Variants in OR9G4 observed in about 807,000 individuals in gnomAD.
OR9G4 encodes olfactory receptor family 9 subfamily G member 4.
A neutral mutation model predicts 16.7 loss-of-function variants in OR9G4; 19 were observed. The ratio of observed to expected loss-of-function variants is 1.14; its 90% CI spans 0.79 to 1.67. The LOEUF (loss-of-function observed/expected upper bound fraction) is 1.67, where lower values mean the gene tolerates loss of function less well. OR9G4 is among the 40% of genes most tolerant of loss of function. The probability of loss-of-function intolerance (pLI) is 0.00; values close to 1 mark genes in which losing one functional copy is unlikely to be tolerated. For missense variants in OR9G4, 428 were observed against 370.4 expected (o/e 1.16, Z -1.28); for synonymous variants, 182 against 146.2 (o/e 1.24, Z -1.76).
chr11:56,743,109 T>G lies in OR9G4; in HGVS notation c.658A>C (p.Asn220His), dbSNP rs757988644. The G allele has an allele frequency of 6.2e-7, 1 of 1,614,146 alleles. No homozygotes were observed. Reference protein sequence around the residue: ...SILAILISYVNILLAILRIHS... With the variant: ...SILAILISYVHILLAILRIHS... The stretch of plus-strand genomic sequence containing the variant: ...ATTCTCAGGATAGCCAGGAGGATGT[T>G]GACATAGGAAATCAGGATAGCAAGA... The change falls in exon 2 of 2, where the codon AAC (asparagine) becomes CAC (histidine). Residue 220 changes from asparagine to histidine, a missense_variant. Physicochemically the swap from Asn to His is moderately conservative, Grantham distance 68. Coordinates refer to ENST00000641668, the MANE Select transcript of OR9G4 (RefSeq NM_001005284.2).
rs772407179 is a variant in OR9G4, at chr11:56,743,609, G to T, written c.158C>A (p.Ser53Tyr). 1 of 1,614,044 alleles carries T rather than the reference G, an allele frequency of 6.2e-7. No homozygotes were observed. Among genetic ancestry groups the T allele is most frequent in the South Asian group, 1.1e-5 (1 of 91,072 alleles). ...MTLVILIRTD[S>Y]HLHTPMYFFI... ...AAAGTACATAGGTGTATGCAAGTGG[G>T]AATCAGTTCGGATTAAGATAACCAA... is the stretch of plus-strand genomic sequence containing the variant. Residue 53 changes from serine to tyrosine, a missense_variant, in exon 2 of 2, where the codon TCC (serine) becomes TAC (tyrosine). Ser to Tyr is a moderately radical substitution (Grantham distance 144). Coordinates refer to ENST00000641668, the MANE Select transcript of OR9G4 (RefSeq NM_001005284.2).
chr11:56,743,387 C>T lies in OR9G4; in HGVS notation c.380G>A (p.Cys127Tyr), dbSNP rs202011066. 441 of 1,614,004 alleles carry T rather than the reference C, an allele frequency of 2.7e-4. No individual in the cohort carries two copies. The highest frequency in any genetic ancestry group is 3.4e-4 in the Non-Finnish European group (399 of 1,180,016). ...AMAYDRHAAI[C>Y]NPLLYSGTMS... ...GGTACCTGAATAAAGCAATGGGTTACAAATTGCTGCATGGCGGTCATATGC... is the reference window on the plus strand; with the variant it reads ...GGTACCTGAATAAAGCAATGGGTTATAAATTGCTGCATGGCGGTCATATGC... The change falls in exon 2 of 2, where the codon TGT becomes TAT. Residue 127 changes from cysteine (C) to tyrosine (Y), a missense_variant. Cys to Tyr is a radical substitution (Grantham distance 194, BLOSUM62 -2). Coordinates refer to ENST00000641668, the MANE Select transcript of OR9G4 (RefSeq NM_001005284.2).
At position 56,741,863 on chromosome 11, in the gene OR9G4, C is replaced by G. The variant is rs1211456268; in HGVS notation, c.*965G>C. ...CCCAACCTGCCATCACAAGGGGGTT[C>G]AGTTATGGAGTTTATATCAGGGTTT... On this transcript the variant is annotated 3_prime_UTR_variant, in exon 2 of 2. Coordinates refer to ENST00000641668, the MANE Select transcript of OR9G4 (RefSeq NM_001005284.2). The G allele has an allele frequency of 1.3e-5, 2 of 152,128 alleles. No individual in the cohort carries two copies. The highest frequency in any genetic ancestry group is 4.8e-5 in the African/African-American group (2 of 41,418). The allele number at this position is 152,128 out of a possible 1,614,324, so 9.4% of individuals were successfully genotyped here.
At chr11:56,745,137 G>A (rs1858386042) in intron 1 of OR9G4, among the ~76,000 whole-genome samples, 1 of 152,028 alleles carries the variant, frequency 6.6e-6, no homozygotes, top group African/African-American at 2.4e-5. Context: ...CTGAATGGGA[G>A]GATAATTATC....
At chr11:56,745,606 C>T (rs780014782) in intron 1 of OR9G4, among the ~76,000 whole-genome samples, 2 of 151,848 alleles carry the variant, frequency 1.3e-5, no homozygotes, top group Non-Finnish European at 2.9e-5. Context: ...ATAGCAAAAT[C>T]CTGTCTCTAC....
In OR9G4 at chr11:56,742,658, T is replaced by A. The variant is rs1858319207; in HGVS notation, c.*170A>T. The A allele has an allele frequency of 1.6e-6, 1 of 617,598 alleles. No individual in the cohort carries two copies. The highest frequency in any genetic ancestry group is 1.8e-5 in the African/African-American group (1 of 54,238). The allele number at this position is 617,598 out of a possible 1,614,324, so 38.3% of individuals were successfully genotyped here. On this transcript the variant is annotated 3_prime_UTR_variant, in exon 2 of 2. Coordinates refer to ENST00000641668, the MANE Select transcript of OR9G4 (RefSeq NM_001005284.2). ...AATATTATAAGTTTTAAATATTACT[T>A]TGTTTTGTTTACATCATAACAAACG... is the stretch of plus-strand genomic sequence containing the variant.
chr11:56,744,212 C>T (rs1251285177), intron 1 of OR9G4, among the ~76,000 whole-genome samples: 1 of 152,072 alleles, frequency 6.6e-6, no homozygotes, highest in East Asian at 1.9e-4. Flanking sequence ...GGATTACGGG[C>T]ACCTACCACC....
Position 56,742,696 on chromosome 11 carries a change from T to A in OR9G4, c.*132A>T, listed in dbSNP as rs1858319923. ...ATCATAACAAACGAATAACAAGGAG[T>A]CATGTGGTCAATATTTTAATGTTTT... is the stretch of plus-strand genomic sequence containing the variant. On this transcript the variant is annotated 3_prime_UTR_variant, in exon 2 of 2. Coordinates refer to ENST00000641668, the MANE Select transcript of OR9G4 (RefSeq NM_001005284.2). 1 of 730,510 alleles carries A rather than the reference T, an allele frequency of 1.4e-6. No homozygotes were observed. The highest frequency in any genetic ancestry group is 2.3e-6 in the Non-Finnish European group (1 of 440,430). 45.3% of individuals were successfully genotyped at this position (730,510 alleles called of 1,614,324 possible). A position where few individuals can be genotyped will look rare whatever the true frequency, so the allele number is the denominator to read the frequency against.
At chr11:56,744,749 CCTGGGTTAGTTTG>C (rs1266303351) in intron 1 of OR9G4, among the ~76,000 whole-genome samples, 1 of 152,138 alleles carries the variant, frequency 6.6e-6, no homozygotes, top group Admixed American at 6.5e-5. Context: ...TGTAAATAAG[CCTGGGTTAGTTTG>C]CTGGATAAGA....
At chr11:56,747,667 C>G (rs1368816625) in intron 1 of OR9G4, among the ~76,000 whole-genome samples, 2 of 151,196 alleles carry the variant, frequency 1.3e-5, no homozygotes, top group Non-Finnish European at 1.5e-5. Flanking sequence ...TAGCAAAGTA[C>G]TTTCTATTTC....
In OR9G4 at chr11:56,743,720, C is replaced by A; in HGVS notation, c.47G>T (p.Gly16Val). 6.2e-7 allele frequency: 1 copy of A among 1,614,164 alleles called. No individual in the cohort carries two copies. Among genetic ancestry groups the A allele is most frequent in the Non-Finnish European group, 8.5e-7 (1 of 1,180,008 alleles). The change falls in exon 2 of 2, where the codon GGT becomes GTT. Residue 16 changes from glycine to valine, a missense_variant. Coordinates refer to ENST00000641668, the MANE Select transcript of OR9G4 (RefSeq NM_001005284.2). ...CTGCCACTGGGAATCTGCTGAGAAA[C>A]CCAACAAGATGAATTCAGTCAGGAT... ...CTILTEFILL[G>V]FSADSQWQPI...
chr11:56,746,121 G>A (rs1858409520), intron 1 of OR9G4, among the ~76,000 whole-genome samples: 3 of 151,050 alleles, frequency 2.0e-5, no homozygotes, highest in South Asian at 4.2e-4. Context: ...GTGAAACCCC[G>A]TCTCTACTAA....
intron 1 of OR9G4, among the ~76,000 whole-genome samples, chr11:56,745,812 A>T (rs1421141133): frequency 6.6e-6 from 1 of 152,010 alleles, no homozygotes; most frequent in Non-Finnish European, 1.5e-5. Context: ...TTCATGAAAC[A>T]ATAGATAGCC....
At chr11:56,744,896 G>A (rs7114266) in intron 1 of OR9G4, among the ~76,000 whole-genome samples, 12,728 of 152,172 alleles carry the variant, frequency 0.084, 699 homozygotes, top group East Asian at 0.15. Flanking sequence ...ACATGAGCAC[G>A]CCCAGGTGAG....
intron 1 of OR9G4, among the ~76,000 whole-genome samples, chr11:56,747,107 C>G (rs980065589): frequency 3.3e-5 from 5 of 152,010 alleles, no homozygotes; most frequent in Non-Finnish European, 7.4e-5. Flanking sequence ...CACTGACCTC[C>G]TCCTTCCTTC....
chr11:56,744,620 C>T (rs1182094022), intron 1 of OR9G4, among the ~76,000 whole-genome samples: 1 of 152,116 alleles, frequency 6.6e-6, no homozygotes, highest in African/African-American at 2.4e-5. Context: ...TCTTGGATGG[C>T]TTGGTGGTTT....
chr11:56,743,411 G>A lies in OR9G4; in HGVS notation c.356C>T (p.Ala119Val). ...ACAAATTGCTGCATGGCGGTCATAT[G>A]CCATGGCTGCCAGGAGATAGCATTC... ...YTECYLLAAM[A>V]YDRHAAICNP... Residue 119 changes from alanine (A) to valine (V), a missense_variant, in exon 2 of 2, where the codon GCA becomes GTA. Coordinates refer to ENST00000641668, the MANE Select transcript of OR9G4 (RefSeq NM_001005284.2). The A allele has an allele frequency of 6.2e-7, 1 of 1,614,118 alleles. No individual in the cohort carries two copies. Among genetic ancestry groups the A allele is most frequent in the Non-Finnish European group, 8.5e-7 (1 of 1,180,022 alleles).
rs747399286 is a variant in OR9G4 at position 56,743,057 on chromosome 11, G to A, written c.710C>T (p.Ala237Val). 1 of 1,614,056 alleles carries A rather than the reference G, an allele frequency of 6.2e-7. No homozygotes were observed. The highest frequency in any genetic ancestry group is 8.5e-7 in the Non-Finnish European group (1 of 1,179,924). The change falls in exon 2 of 2, where the codon GCA (alanine) becomes GTA (valine). Residue 237 changes from alanine to valine, a missense_variant. Physicochemically the swap from Ala to Val is moderately conservative, Grantham distance 64 (BLOSUM62 0). Transcript: ENST00000641668. ...RIHSASGRHK[A>V]FSTCASHLIS... ...GAGGTGGGAAGCACAGGTGGAGAAT[G>A]CCTTGTGTCTTCCTGAAGCTGAGTG...
Position 56,744,056 on chromosome 11 carries a change from G to A in OR9G4, c.-22-268C>T, listed in dbSNP as rs116307643. On this transcript the variant is annotated intron_variant, in intron 1 of 1. Transcript: ENST00000641668. ...CATGAAAAAAAAATGAAACTCACAAGGATAACTAATTACTTCTTCTTTTTT... is the reference window on the plus strand; with the variant it reads ...CATGAAAAAAAAATGAAACTCACAAAGATAACTAATTACTTCTTCTTTTTT... The A allele has an allele frequency of 1.9e-3, 833 of 438,650 alleles. 9 individuals carry two copies. The highest frequency in any genetic ancestry group is 0.016 in the African/African-American group (779 of 48,682). 27.2% of individuals were successfully genotyped at this position (438,650 alleles called of 1,614,324 possible).
Sources: gnomAD v4.1 joint callset for allele counts (sites outside exome capture counted in the v4.1 genomes callset) on GRCh38, gnomAD v4.1.1 for gene constraint, MANE v1.5 for transcripts, NCBI Gene and HGNC (gene_info 2026-07-23, HGNC 2026-07-21) for gene names.